The following PRKN variants were observed in gnomAD, a reference collection of about 807,000 sequenced individuals.
PRKN encodes the protein E3 ubiquitin-protein ligase parkin.
In PRKN, 56 loss-of-function variants were observed where a neutral mutation model predicts 59.5. That is an observed-to-expected ratio of 0.94 (90% confidence interval 0.76 to 1.18). PRKN has a LOEUF of 1.18. PRKN is among the 50% of genes most tolerant of loss of function. The pLI, the probability that PRKN is intolerant of heterozygous loss-of-function variation, is 0.00. For missense variants in PRKN, 657 were observed against 596.4 expected (o/e 1.10, Z -1.06); for synonymous variants, 250 against 222.1 (o/e 1.13, Z -1.12).
intron 9 of PRKN, among the ~76,000 whole-genome samples, chr6:161,489,053 C>T (rs552349381): frequency 2.0e-5 from 3 of 152,096 alleles, no homozygotes; most frequent in Non-Finnish European, 4.4e-5. Context: ...AGAATTCTCA[C>T]AATACTTTTT....
At chr6:161,979,978 A>G (rs1019313213) in intron 5 of PRKN, among the ~76,000 whole-genome samples, 3 of 152,228 alleles carry the variant, frequency 2.0e-5, no homozygotes, top group Non-Finnish European at 2.9e-5. Flanking sequence ...ATCCAACTGT[A>G]TAAACACATT....
intron 1 of PRKN, among the ~76,000 whole-genome samples, chr6:162,574,913 G>A (rs1482009618): frequency 1.6e-5 from 2 of 122,036 alleles, no homozygotes; most frequent in East Asian, 3.0e-4. Flanking sequence ...TGGCAACAGT[G>A]TAGTTGAGTT....
intron 1 of PRKN, among the ~76,000 whole-genome samples, chr6:162,707,149 T>C (rs1481759917): frequency 1.3e-5 from 2 of 152,156 alleles, no homozygotes; most frequent in Non-Finnish European, 2.9e-5. Flanking sequence ...CCCAGCAAAT[T>C]GTAAATAACT....
chr6:162,546,253 G>A (rs35457953), intron 1 of PRKN, among the ~76,000 whole-genome samples: 14,388 of 151,664 alleles, frequency 0.095, 827 homozygotes, highest in South Asian at 0.18. Context: ...ATAGGCGTGC[G>A]CCACCAGGCC....
chr6:162,647,327 GAACA>G (rs976739047), intron 1 of PRKN, among the ~76,000 whole-genome samples: 2 of 151,920 alleles, frequency 1.3e-5, no homozygotes, highest in Non-Finnish European at 2.9e-5. Flanking sequence ...AAATCAATGA[GAACA>G]AACAATCTGT....
At chr6:162,009,871 G>T (rs113788966) in intron 5 of PRKN, among the ~76,000 whole-genome samples, 11,540 of 151,684 alleles carry the variant, frequency 0.076, 566 homozygotes, top group Middle Eastern at 0.11. Flanking sequence ...CAGAGGTGGA[G>T]GTTGCAGTGA....
chr6:161,510,262 T>C lies in PRKN; in HGVS notation c.1083+38592A>G, dbSNP rs73591662. 5.3e-3 allele frequency among the ~76,000 whole-genome samples: 807 copies of C among 152,356 alleles called. 7 individuals carry two copies. Among genetic ancestry groups the C allele is most frequent in the African/African-American group, 0.018 (767 of 41,582 alleles). Reference sequence around the variant, plus strand: ...AATTTGTGGAGATGAACCTTCTTGATGCTTTGTAATAACTCAACCATCACA... The same window carrying C: ...AATTTGTGGAGATGAACCTTCTTGACGCTTTGTAATAACTCAACCATCACA... On this transcript the variant is annotated intron_variant, in intron 9 of 11. Transcript: ENST00000366898.
intron 7 of PRKN, among the ~76,000 whole-genome samples, chr6:161,573,745 A>ATT (rs1562534777): frequency 0.025 from 810 of 32,212 alleles, 56 homozygotes; most frequent in Non-Finnish European, 0.03. Context: ...AAAAAAAAAA[A>ATT]AAAAAAAAAA....
At chr6:162,702,450 G>A (rs1046569833) in intron 1 of PRKN, among the ~76,000 whole-genome samples, 9 of 151,988 alleles carry the variant, frequency 5.9e-5, no homozygotes, top group Admixed American at 1.3e-4. Context: ...TAAACAAAAC[G>A]GACAAAGAAA....
At chr6:162,282,532 A>T (rs563340915) in intron 2 of PRKN, among the ~76,000 whole-genome samples, 17 of 152,326 alleles carry the variant, frequency 1.1e-4, no homozygotes, top group Non-Finnish European at 2.5e-4. Flanking sequence ...AAATTCTCAC[A>T]TATGTCCTCA....
chr6:161,658,171 C>T (rs78050632), intron 7 of PRKN, among the ~76,000 whole-genome samples: 5,805 of 151,950 alleles, frequency 0.038, 153 homozygotes, highest in Non-Finnish European at 0.056. Context: ...CAAAAAGCAA[C>T]AGAATTTACT....
intron 6 of PRKN, among the ~76,000 whole-genome samples, chr6:161,884,130 T>A (rs1258079571): frequency 6.6e-6 from 1 of 152,202 alleles, no homozygotes; most frequent in Non-Finnish European, 1.5e-5. Flanking sequence ...TACAGCCTTC[T>A]AGGGTTTATT....
At chr6:162,439,313 T>C (rs1789936480) in intron 2 of PRKN, among the ~76,000 whole-genome samples, 1 of 150,086 alleles carries the variant, frequency 6.7e-6, no homozygotes, top group African/African-American at 2.5e-5. Flanking sequence ...CCTTTTCCCT[T>C]CCCTTCCCCC....
Position 162,586,966 on chromosome 6 carries a change from T to C in PRKN, c.7+140696A>G, listed in dbSNP as rs183322889. On this transcript the variant is annotated intron_variant, in intron 1 of 11. Transcript: ENST00000366898. ...ACACAATGCAGGCATCAGTGCTCTA[T>C]TAGTCCAATGGTCATGTGAAAGGTA... Among the ~76,000 whole-genome samples the C allele has an allele frequency of 2.0e-5, 3 of 152,280 alleles. No individual in the cohort carries two copies. In the East Asian group the frequency reaches 5.8e-4, roughly 29 times the overall value.
chr6:162,208,798 T>A (rs969216226), intron 3 of PRKN, among the ~76,000 whole-genome samples: 28 of 152,152 alleles, frequency 1.8e-4, no homozygotes, highest in Admixed American at 7.2e-4. Flanking sequence ...ATGCTGCAGA[T>A]AATGTGTCCA....
At chr6:161,441,671 A>C (rs960483894) in intron 9 of PRKN, among the ~76,000 whole-genome samples, 1 of 137,280 alleles carries the variant, frequency 7.3e-6, no homozygotes, top group Non-Finnish European at 1.6e-5. Context: ...AAAAAAAAAA[A>C]GGATCTGAGG....
At chr6:162,293,699 G>A (rs1449645553) in intron 2 of PRKN, among the ~76,000 whole-genome samples, 1 of 152,202 alleles carries the variant, frequency 6.6e-6, no homozygotes, top group Non-Finnish European at 1.5e-5. Context: ...CAGGAGGAAT[G>A]TGAATACAGT....
intron 9 of PRKN, among the ~76,000 whole-genome samples, chr6:161,437,399 C>T (rs1211449632): frequency 6.6e-6 from 1 of 152,142 alleles, no homozygotes; most frequent in Non-Finnish European, 1.5e-5. Flanking sequence ...GAACAGTGAG[C>T]AATTTAAAAC....
chr6:162,443,658 ACCCACGAGATTT>A (rs1332227849), intron 1 of PRKN, among the ~76,000 whole-genome samples, 185 bp from the exon 2 acceptor site: 3 of 152,316 alleles, frequency 2.0e-5, no homozygotes, highest in Non-Finnish European at 2.9e-5. Context: ...AGAGTTAGTT[ACCCACGAGATTT>A]CCCTTTCATA....
Sources: allele counts gnomAD v4.1 joint callset (sites outside exome capture counted in the v4.1 genomes callset), GRCh38; gene constraint gnomAD v4.1.1; transcripts MANE v1.5; gene names NCBI Gene and HGNC (gene_info 2026-07-23, HGNC 2026-07-21).